The following NALF1 variants were observed in gnomAD, a reference collection of about 807,000 sequenced individuals.
NALF1 encodes the protein family with sequence similarity 155 member A.
A neutral mutation model predicts 48.4 loss-of-function variants in NALF1; 3 were observed. The ratio of observed to expected loss-of-function variants is 0.06; its 90% CI spans 0.03 to 0.16. NALF1 has a LOEUF of 0.16. Among genes scored for constraint, NALF1 ranks in the 10% least tolerant of loss-of-function variants. NALF1 has a pLI of 1.00. For missense variants in NALF1, 526 were observed against 571.5 expected, an observed-to-expected ratio of 0.92 and a Z score of 0.81; for synonymous variants, 262 against 245.7, an observed-to-expected ratio of 1.07 and a Z score of -0.62.
chr13:107,541,998 T>C (rs1877012941), intron 1 of NALF1, among the ~76,000 whole-genome samples: 1 of 152,070 alleles, frequency 6.6e-6, no homozygotes, highest in Non-Finnish European at 1.5e-5. Context: ...AGCCCTAGCT[T>C]GCTTCTCTCA....
intron 1 of NALF1, among the ~76,000 whole-genome samples, chr13:107,818,583 C>T (rs1324542489): frequency 1.3e-5 from 2 of 151,664 alleles, no homozygotes; most frequent in East Asian, 3.9e-4. Context: ...TCTTAAAAAT[C>T]CAGTTGAGGC....
chr13:107,433,535 C>A (rs1273644745), intron 1 of NALF1, among the ~76,000 whole-genome samples: 2 of 151,912 alleles, frequency 1.3e-5, no homozygotes, highest in African/African-American at 2.4e-5. Flanking sequence ...AACTTCTAAC[C>A]TGCACATTGT....
At chr13:107,390,877 TTAATAATAA>T (rs71121527) in intron 1 of NALF1, among the ~76,000 whole-genome samples, 7 of 147,210 alleles carry the variant, frequency 4.8e-5, no homozygotes, top group African/African-American at 1.0e-4. Context: ...AGCCAGAAGG[TTAATAATAA>T]TAATAATAAT....
rs1875883762 is a variant in NALF1 at position 107,718,377 on chromosome 13, G to A, written c.915+147305C>T. Among the ~76,000 whole-genome samples, 3 of 152,252 alleles carry A rather than the reference G, an allele frequency of 2.0e-5. No individual in the cohort carries two copies. In the South Asian group the frequency reaches 6.2e-4, roughly 32 times the overall value. ...CACCAAACCAGTTCCCACAGAACCT[G>A]CCTCATTAAAGGAAGAAGACTCTCA... On this transcript the variant is annotated intron_variant, in intron 1 of 2. Transcript: ENST00000375915.
chr13:107,327,499 T>C (rs1211642206), intron 1 of NALF1, among the ~76,000 whole-genome samples: 1 of 152,252 alleles, frequency 6.6e-6, no homozygotes, highest in Non-Finnish European at 1.5e-5. Flanking sequence ...TTTTAATACA[T>C]TCTTTTCTAT....
intron 1 of NALF1, among the ~76,000 whole-genome samples, chr13:107,357,902 C>A (rs1219947300): frequency 6.6e-6 from 1 of 152,022 alleles, no homozygotes; most frequent in Non-Finnish European, 1.5e-5. Context: ...GGGGTCATTG[C>A]GAGGCTCTCC....
At chr13:107,715,202 CTCTT>C (rs1011873221) in intron 1 of NALF1, among the ~76,000 whole-genome samples, 25 of 151,474 alleles carry the variant, frequency 1.7e-4, no homozygotes, top group African/African-American at 3.4e-4. Context: ...TTCTTTCTCT[CTCTT>C]TCTTTTTTTT....
chr13:107,674,048 C>A (rs1594198583), intron 1 of NALF1, among the ~76,000 whole-genome samples: 2 of 152,130 alleles, frequency 1.3e-5, no homozygotes, highest in Middle Eastern at 3.4e-3. Flanking sequence ...AAGAGCAACA[C>A]CAAACCATCA....
chr13:107,669,604 C>T (rs1880943926), intron 1 of NALF1, among the ~76,000 whole-genome samples: 1 of 152,112 alleles, frequency 6.6e-6, no homozygotes, highest in African/African-American at 2.4e-5. Context: ...CTTGTGTGAG[C>T]TCATCACAAA....
chr13:107,672,334 G>C (rs1881010892), intron 1 of NALF1, among the ~76,000 whole-genome samples: 1 of 152,184 alleles, frequency 6.6e-6, no homozygotes, highest in African/African-American at 2.4e-5. Context: ...GTTTACCTTT[G>C]AGAAACTGAT....
chr13:107,391,141 C>T (rs1369232123), intron 1 of NALF1, among the ~76,000 whole-genome samples: 1 of 151,998 alleles, frequency 6.6e-6, no homozygotes, highest in Non-Finnish European at 1.5e-5. Context: ...AAATCTCTTC[C>T]ATGTAAGAAG....
At chr13:107,394,030 T>C (rs1883670092) in intron 1 of NALF1, among the ~76,000 whole-genome samples, 1 of 152,160 alleles carries the variant, frequency 6.6e-6, no homozygotes. Context: ...AGGAAGTAAG[T>C]AATCAACTGG....
intron 1 of NALF1, among the ~76,000 whole-genome samples, chr13:107,288,190 C>T (rs1181548238): frequency 6.7e-6 from 1 of 150,264 alleles, no homozygotes; most frequent in Non-Finnish European, 1.5e-5. Context: ...AGTTTTGTCT[C>T]TCATTAAGAA....
chr13:107,530,696 C>G (rs1876599336), intron 1 of NALF1, among the ~76,000 whole-genome samples: 1 of 152,042 alleles, frequency 6.6e-6, no homozygotes, highest in Non-Finnish European at 1.5e-5. Context: ...TTGCAAATCA[C>G]CACAGCTATA....
intron 1 of NALF1, among the ~76,000 whole-genome samples, chr13:107,857,158 C>A (rs1000661976): frequency 3.9e-5 from 6 of 152,174 alleles, no homozygotes; most frequent in African/African-American, 1.4e-4. Flanking sequence ...CCTGCTCCAT[C>A]TTCTCTGTCA....
intron 1 of NALF1, among the ~76,000 whole-genome samples, chr13:107,527,696 G>T (rs978666412): frequency 6.6e-6 from 1 of 152,070 alleles, no homozygotes; most frequent in Non-Finnish European, 1.5e-5. Context: ...TCTCCATACT[G>T]TTCTCCTGGG....
chr13:107,677,265 C>T (rs1881156343), intron 1 of NALF1, among the ~76,000 whole-genome samples: 2 of 152,174 alleles, frequency 1.3e-5, no homozygotes, highest in South Asian at 2.1e-4. Context: ...AGGCTGGTCC[C>T]GAACTCCTTA....
intron 1 of NALF1, among the ~76,000 whole-genome samples, chr13:107,783,956 T>C (rs1313455248): frequency 6.6e-6 from 1 of 152,044 alleles, no homozygotes; most frequent in Non-Finnish European, 1.5e-5. Flanking sequence ...TAGTATACTT[T>C]CAGAGCTGAG....
chr13:107,799,399 C>A (rs1389286451), intron 1 of NALF1, among the ~76,000 whole-genome samples: 1 of 152,182 alleles, frequency 6.6e-6, no homozygotes, highest in African/African-American at 2.4e-5. Context: ...AAAGTGCTCA[C>A]TGAGCTCAAT....
Sources: allele counts gnomAD v4.1 joint callset (sites outside exome capture counted in the v4.1 genomes callset), GRCh38; gene constraint gnomAD v4.1.1; transcripts MANE v1.5; gene names NCBI Gene and HGNC (gene_info 2026-07-23, HGNC 2026-07-21).